PSMD5: variants seen among roughly 807,000 people sequenced by gnomAD.
PSMD5 encodes the protein proteasome 26S subunit, non-ATPase 5, also known as 26S proteasome non-ATPase regulatory subunit 5.
A neutral mutation model predicts 52.1 loss-of-function variants in PSMD5; 40 were observed. The observed-to-expected ratio is 0.77, with a 90% confidence interval of 0.60 to 1.00. PSMD5 has a LOEUF of 1.00. Ranked by LOEUF, PSMD5 falls within the 50% of genes least tolerant of loss-of-function variation. The pLI is 0.00. For missense variants in PSMD5, 575 were observed against 605.2 expected (o/e 0.95, Z 0.52); for synonymous variants, 211 against 226.6 (o/e 0.93, Z 0.62).
chr9:120,832,001 A>C (rs1026223863), intron 2 of PSMD5, 56 bp from the exon 3 acceptor site: 3 of 1,573,818 alleles, frequency 1.9e-6, no homozygotes, highest in Non-Finnish European at 2.6e-6. Context: ...TACGGTAAAC[A>C]CACGATGGTC....
intron 1 of PSMD5, among the ~76,000 whole-genome samples, chr9:120,833,877 T>G (rs966887298): frequency 6.6e-6 from 1 of 151,090 alleles, no homozygotes; most frequent in African/African-American, 2.4e-5. Context: ...GGTTTCACCA[T>G]GTTGGCCAGG....
intron 6 of PSMD5, 73 bp from the exon 7 acceptor site, chr9:120,824,758 AG>A: frequency 7.7e-7 from 1 of 1,295,464 alleles, no homozygotes; most frequent in Non-Finnish European, 1.1e-6. Flanking sequence ...ATGACTTCAC[AG>A]GAACAGAAAT....
rs377404156 is a variant in PSMD5 at position 120,833,458 on chromosome 9, T to C, written c.174-2A>G. 4.3e-6 allele frequency: 7 copies of C among 1,612,014 alleles called. No homozygotes were observed. The African/African-American group carries it at 9.4e-5, about 22-fold the overall frequency. On this transcript the variant is annotated splice_acceptor_variant, in intron 1 of 9. Coordinates refer to ENST00000210313, the MANE Select transcript of PSMD5 (RefSeq NM_005047.4). LOFTEE classifies it high-confidence loss of function. ...GATACACACAAAGTAGTCTTTTCCC[T>C]GAAGGAGACATCATAAATCTTATTA...
chr9:120,833,564 T>A, intron 1 of PSMD5, 108 bp from the exon 2 acceptor site: 1 of 1,179,422 alleles, frequency 8.5e-7, no homozygotes, highest in Non-Finnish European at 1.2e-6. Context: ...ACAGACTTCT[T>A]TTTGAAACAG....
chr9:120,842,711 G>C (rs1162425322), intron 1 of PSMD5, 26 bp downstream of exon 1: 1 of 1,612,170 alleles, frequency 6.2e-7, no homozygotes, highest in South Asian at 1.1e-5. Flanking sequence ...CCCTCTCCTC[G>C]GCTCAAGCCC....
intron 1 of PSMD5, among the ~76,000 whole-genome samples, chr9:120,841,402 A>AC (rs1217648512): frequency 6.6e-6 from 1 of 151,762 alleles, no homozygotes; most frequent in Non-Finnish European, 1.5e-5. Flanking sequence ...ACATGGTGAA[A>AC]CCCCGTCTCT....
At position 120,821,342 on chromosome 9, in the gene PSMD5, C is replaced by T. The variant is rs1253505123; in HGVS notation, c.1116+13G>A. 2.0e-6 allele frequency: 3 copies of T among 1,485,212 alleles called. No individual in the cohort carries two copies. The highest frequency in any genetic ancestry group is 1.8e-6 in the Non-Finnish European group (2 of 1,085,256). 92.0% of individuals were successfully genotyped at this position (1,485,212 alleles called of 1,614,324 possible). A position where few individuals can be genotyped will look rare whatever the true frequency, so the allele number is the denominator to read the frequency against. ...ATATCCCACTGTCCTTCATTATTTC[C>T]CTACCTACTTACTGGTAAGTACAGA... On this transcript the variant is annotated intron_variant, in intron 8 of 9. Coordinates refer to ENST00000210313, the MANE Select transcript of PSMD5 (RefSeq NM_005047.4).
At chr9:120,838,098 G>T (rs1289447232) in intron 1 of PSMD5, among the ~76,000 whole-genome samples, 1 of 152,252 alleles carries the variant, frequency 6.6e-6, no homozygotes, top group East Asian at 1.9e-4. Context: ...AGAGAAAGCA[G>T]ATCAGTGGTT....
chr9:120,842,577 T>C (rs1031067272), intron 1 of PSMD5, 160 bp downstream of exon 1: 10 of 877,890 alleles, frequency 1.1e-5, no homozygotes, highest in Non-Finnish European at 1.4e-5. Flanking sequence ...CTGAACCCCA[T>C]CTCCTGCCTC....
intron 7 of PSMD5, 177 bp downstream of exon 7, chr9:120,824,317 A>AC: frequency 1.5e-6 from 1 of 673,762 alleles, no homozygotes. Context: ...AAAAAAAAAA[A>AC]AAAGGTTTTC....
At chr9:120,821,808 C>T (rs1017358465) in intron 7 of PSMD5, among the ~76,000 whole-genome samples, 3 of 152,194 alleles carry the variant, frequency 2.0e-5, no homozygotes, top group Non-Finnish European at 2.9e-5. Context: ...TTATCAGTGG[C>T]GCAGGCTTCC....
chr9:120,827,035 C>A, intron 5 of PSMD5, 128 bp from the exon 6 acceptor site: 1 of 966,072 alleles, frequency 1.0e-6, no homozygotes. Flanking sequence ...ATCTTGGCTC[C>A]TCTTTTCACA....
At chr9:120,824,195 A>C (rs1186923721) in intron 7 of PSMD5, 11 of 392,420 alleles carry the variant, frequency 2.8e-5, no homozygotes, top group Non-Finnish European at 5.2e-5. Flanking sequence ...TCTTTGTACC[A>C]TGAAATCTAG....
intron 1 of PSMD5, among the ~76,000 whole-genome samples, chr9:120,835,230 C>T (rs1235110628): frequency 1.3e-5 from 2 of 152,026 alleles, no homozygotes; most frequent in Non-Finnish European, 2.9e-5. Flanking sequence ...AAATGTCCAC[C>T]AAGTGATGAA....
Position 120,829,124 on chromosome 9 carries a change from G to C in PSMD5, c.646C>G (p.Leu216Val). ...CTGACCAACACATCCTCACCAGTCA[G>C]CTCTCTCAGGAGCTGGGTTACCAAT... ...SGLVTQLLRE[L>V]TGEDVLVRAT... Residue 216 changes from leucine to valine, a missense_variant, in exon 5 of 10, where the codon CTG becomes GTG. Leu to Val is a conservative substitution (Grantham distance 32). Coordinates refer to ENST00000210313, the MANE Select transcript of PSMD5 (RefSeq NM_005047.4). 6.2e-7 allele frequency: 1 copy of C among 1,603,008 alleles called. No homozygotes were observed. The highest frequency in any genetic ancestry group is 1.1e-5 in the South Asian group (1 of 88,872).
chr9:120,833,358 C>G lies in PSMD5; in HGVS notation c.272G>C (p.Gly91Ala), dbSNP rs950418677. The G allele has an allele frequency of 3.1e-6, 5 of 1,613,902 alleles. No homozygotes were observed. The highest frequency in any genetic ancestry group is 4.2e-6 in the Non-Finnish European group (5 of 1,179,972). ...ARNLRVDLQR[G>A]LIHPDDSVKI... ...TACAGAATCATCAGGGTGAATTAGT[C>G]CCCTCTGCAGGTCAACCCTGAGGTT... is the stretch of plus-strand genomic sequence containing the variant. The change falls in exon 2 of 10, where the codon GGA (glycine) becomes GCA (alanine). Residue 91 changes from glycine to alanine, a missense_variant. Transcript: ENST00000210313.
Position 120,816,535 on chromosome 9 carries a change from AAC to A in PSMD5, c.*1369_*1370del, listed in dbSNP as rs777101048. ...AGTCAGCATGGAAACACACACAAAA[AAC>A]AGAGTCACGTTGCCAGGGGAGATGA... is the stretch of plus-strand genomic sequence containing the variant. On this transcript the variant is annotated 3_prime_UTR_variant, in exon 10 of 10. Coordinates refer to ENST00000210313, the MANE Select transcript of PSMD5 (RefSeq NM_005047.4). 7.9e-5 allele frequency: 12 copies of A among 152,336 alleles called. No individual in the cohort carries two copies. In the East Asian group the frequency reaches 9.6e-4, roughly 12 times the overall value. 9.4% of individuals were successfully genotyped at this position (152,336 alleles called of 1,614,324 possible).
chr9:120,819,909 A>T (rs1189682379), intron 9 of PSMD5, among the ~76,000 whole-genome samples: 2 of 152,098 alleles, frequency 1.3e-5, no homozygotes, highest in Non-Finnish European at 2.9e-5. Context: ...TCGCATCCTC[A>T]GGAAGCCTTC....
rs151114264 is a variant in PSMD5, at chr9:120,829,109, C to A, written c.661G>T (p.Val221Leu). 4.4e-6 allele frequency: 7 copies of A among 1,592,778 alleles called. No homozygotes were observed. The African/African-American group carries it at 9.5e-5, about 22-fold the overall frequency. Residue 221 changes from valine (V) to leucine (L), a missense_variant, in exon 5 of 10, where the codon GTG becomes TTG. Coordinates refer to ENST00000210313, the MANE Select transcript of PSMD5 (RefSeq NM_005047.4). ...QLLRELTGED[V>L]LVRATCIEMV... ...ACTCAGTCAACACACCTGACCAACA[C>A]ATCCTCACCAGTCAGCTCTCTCAGG...
Sources: allele counts gnomAD v4.1 joint callset (sites outside exome capture counted in the v4.1 genomes callset), GRCh38; gene constraint gnomAD v4.1.1; transcripts MANE v1.5; gene names NCBI Gene and HGNC (gene_info 2026-07-23, HGNC 2026-07-21).